The following BARHL1 variants were observed in gnomAD, a reference collection of about 807,000 sequenced individuals.
The protein encoded by BARHL1 is BarH like homeobox 1, also known as barH-like 1 homeobox protein.
In BARHL1, 2 loss-of-function variants were observed where a neutral mutation model predicts 20.1. That is an observed-to-expected ratio of 0.10 (90% CI 0.04 to 0.31). BARHL1 has a LOEUF of 0.31. Among genes scored for constraint, BARHL1 ranks in the 10% least tolerant of loss-of-function variants. BARHL1 has a pLI of 1.00. For synonymous variants in BARHL1, 213 were observed against 209.9 expected (o/e 1.01, Z -0.13); for missense variants, 397 against 454.0 (o/e 0.87, Z 1.14).
At position 132,582,717 on chromosome 9, in the gene BARHL1, C is replaced by T; in HGVS notation, c.-81C>T. ...CCTGCCCGCCTTCCCCATGCCAGCC[C>T]GCAGCTAGGGGCAGGGGCAGCGGCG... On this transcript the variant is annotated 5_prime_UTR_variant, in exon 1 of 3. Coordinates refer to ENST00000263610, the MANE Select transcript of BARHL1 (RefSeq NM_020064.4). 3 of 1,309,368 alleles carry T rather than the reference C, an allele frequency of 2.3e-6. No individual in the cohort carries two copies. The highest frequency in any genetic ancestry group is 3.0e-5 in the South Asian group (2 of 67,392). 81.1% of individuals were successfully genotyped at this position (1,309,368 alleles called of 1,614,324 possible).
chr9:132,589,153 A>G (rs1327773172), intron 2 of BARHL1, 75 bp from the exon 3 acceptor site: 1 of 1,526,524 alleles, frequency 6.6e-7, no homozygotes, highest in African/African-American at 1.4e-5. Context: ...TCTCTGGGCC[A>G]AGCAGTGGGG....
intron 2 of BARHL1, among the ~76,000 whole-genome samples, chr9:132,588,254 C>A (rs1446913175): frequency 6.6e-6 from 1 of 152,192 alleles, no homozygotes; most frequent in Non-Finnish European, 1.5e-5. Flanking sequence ...CACCGACACA[C>A]ACATCAATAC....
At position 132,589,440 on chromosome 9, in the gene BARHL1, A is replaced by G; in HGVS notation, c.902A>G (p.His301Arg). 1 of 1,599,694 alleles carries G rather than the reference A, an allele frequency of 6.3e-7. No individual in the cohort carries two copies. The highest frequency in any genetic ancestry group is 8.5e-7 in the Non-Finnish European group (1 of 1,174,734). ...CCTCTGGTGCCCCGCATCCTCATCC[A>G]CGGACTCCAGGGCGCCAGCGAGCCG... ...QRPLVPRILIHGLQGASEPPP... is the reference protein window; with the variant it reads ...QRPLVPRILIRGLQGASEPPP... The change falls in exon 3 of 3, where the codon CAC (histidine) becomes CGC (arginine). Residue 301 changes from histidine to arginine, a missense_variant. Transcript: ENST00000263610.
intron 2 of BARHL1, among the ~76,000 whole-genome samples, chr9:132,588,843 A>G (rs1358645989): frequency 6.6e-6 from 1 of 151,940 alleles, no homozygotes; most frequent in African/African-American, 2.4e-5. Context: ...TACCTTCATA[A>G]AGAGGCACGC....
At chr9:132,588,636 G>A (rs551106551) in intron 2 of BARHL1, among the ~76,000 whole-genome samples, 1 of 151,234 alleles carries the variant, frequency 6.6e-6, no homozygotes, top group Non-Finnish European at 1.5e-5. Flanking sequence ...GGCTCGCAGT[G>A]CGAGCCCTGG....
rs748460965 is a variant in BARHL1 at position 132,582,785 on chromosome 9, T to A, written c.-13T>A. 8.9e-6 allele frequency: 14 copies of A among 1,564,570 alleles called. No individual in the cohort carries two copies. Among genetic ancestry groups the A allele is most frequent in the Middle Eastern group, 2.3e-4 (1 of 4,266 alleles). On this transcript the variant is annotated 5_prime_UTR_variant, in exon 1 of 3. Transcript: ENST00000263610. ...GTGGGGAGCTTTTGGGGAGGACAGG[T>A]CGCAGCTTGGCTATGGAAGGCTCCA...
At chr9:132,584,362 G>T (rs1247203776) in intron 1 of BARHL1, among the ~76,000 whole-genome samples, 1 of 152,120 alleles carries the variant, frequency 6.6e-6, no homozygotes, top group Non-Finnish European at 1.5e-5. Flanking sequence ...CAGATCACTG[G>T]GAGTGGGCAG....
intron 1 of BARHL1, among the ~76,000 whole-genome samples, chr9:132,586,180 C>A (rs535568311): frequency 6.6e-6 from 1 of 152,246 alleles, no homozygotes; most frequent in African/African-American, 2.4e-5. Flanking sequence ...CGATCCCTAA[C>A]GGCTCAATTA....
chr9:132,587,765 C>A lies in BARHL1; in HGVS notation c.689+214C>A, dbSNP rs375573251. On this transcript the variant is annotated intron_variant, in intron 2 of 2. Coordinates refer to ENST00000263610, the MANE Select transcript of BARHL1 (RefSeq NM_020064.4). The surrounding 1 kb of genome is among the most constrained non-coding windows in gnomAD (Gnocchi z 5.5). ...AGATGAGACTAGACTTGGTGTCCAG[C>A]GTCCAGTCAGCCCTCCCCCGGATGG... 1.3e-5 allele frequency among the ~76,000 whole-genome samples: 2 copies of A among 152,352 alleles called. No homozygotes were observed. Among genetic ancestry groups the A allele is most frequent in the Non-Finnish European group, 2.9e-5 (2 of 68,040 alleles).
chr9:132,586,041 T>A (rs534027599), intron 1 of BARHL1, among the ~76,000 whole-genome samples: 3 of 152,358 alleles, frequency 2.0e-5, no homozygotes, highest in Admixed American at 2.0e-4. Context: ...GAGAGCCTGG[T>A]GCCAGCCTGG....
rs1747048502 is a variant in BARHL1 at position 132,589,622 on chromosome 9, G to A, written c.*100G>A. The A allele has an allele frequency of 2.5e-6, 3 of 1,224,094 alleles. No individual in the cohort carries two copies. The highest frequency in any genetic ancestry group is 3.0e-6 in the Non-Finnish European group (3 of 984,884). 75.8% of individuals were successfully genotyped at this position (1,224,094 alleles called of 1,614,324 possible). On this transcript the variant is annotated 3_prime_UTR_variant, in exon 3 of 3. Coordinates refer to ENST00000263610, the MANE Select transcript of BARHL1 (RefSeq NM_020064.4). ...GTTCGACGCCCTTTCCCGGGAGGGG[G>A]CCCTGCCCGGCCCTCCCTGGCGCCC...
chr9:132,588,873 AC>A (rs1432578919), intron 2 of BARHL1, among the ~76,000 whole-genome samples: 1 of 151,954 alleles, frequency 6.6e-6, no homozygotes, highest in Non-Finnish European at 1.5e-5. Flanking sequence ...AGCACCCCCT[AC>A]CCAGCTCCAA....
intron 2 of BARHL1, among the ~76,000 whole-genome samples, chr9:132,588,879 C>T (rs980143435): frequency 2.6e-5 from 4 of 152,158 alleles, no homozygotes; most frequent in African/African-American, 9.7e-5. Context: ...CCCTACCCAG[C>T]TCCAAGGGTT....
At chr9:132,583,354 C>A (rs1830096280) in intron 1 of BARHL1, 91 bp downstream of exon 1, 7 of 1,197,034 alleles carry the variant, frequency 5.8e-6, no homozygotes, top group Non-Finnish European at 8.1e-6. Flanking sequence ...CATGCACTCG[C>A]TCACCTGGGG....
chr9:132,589,081 G>C, intron 2 of BARHL1, 147 bp from the exon 3 acceptor site: 1 of 1,398,644 alleles, frequency 7.1e-7, no homozygotes, highest in South Asian at 1.6e-5. Flanking sequence ...GCGTGCGATG[G>C]TGCCTGGCAC....
At chr9:132,588,008 G>A (rs184386095) in intron 2 of BARHL1, among the ~76,000 whole-genome samples, 14 of 152,296 alleles carry the variant, frequency 9.2e-5, no homozygotes, top group Non-Finnish European at 1.6e-4. Context: ...GGCAGCTGCC[G>A]CAGGGGCCTC....
chr9:132,589,395 C>T lies in BARHL1; in HGVS notation c.857C>T (p.Pro286Leu). ...TACCTGTACCGCGGCCCCAGCGCGC[C>T]GCCGCCTGCTCTCCAGAGACCTCTG... is the stretch of plus-strand genomic sequence containing the variant. ...ALYLYRGPSA[P>L]PPALQRPLVP... Residue 286 changes from proline (P) to leucine (L), a missense_variant, in exon 3 of 3, where the codon CCG becomes CTG. This residue lies in a region of BARHL1 where 121 missense variants were observed against 135.9 expected (regional missense o/e 0.89). Coordinates refer to ENST00000263610, the MANE Select transcript of BARHL1 (RefSeq NM_020064.4). 1 of 1,612,620 alleles carries T rather than the reference C, an allele frequency of 6.2e-7. No homozygotes were observed. The highest frequency in any genetic ancestry group is 1.3e-5 in the African/African-American group (1 of 75,056).
rs1564261032 is a variant in BARHL1, at chr9:132,587,189, C to A, written c.467-140C>A. On this transcript the variant is annotated intron_variant, in intron 1 of 2. Transcript: ENST00000263610. This position sits in a 1 kb window ranked among gnomAD's most constrained non-coding sequence, Gnocchi z 5.5. ...GTTCCCGGGGCCCCAGAGGTCCCGTCTGAGAGCGGCCCCCGCGAGCTTGGG... is the reference window on the plus strand; with the variant it reads ...GTTCCCGGGGCCCCAGAGGTCCCGTATGAGAGCGGCCCCCGCGAGCTTGGG... 5.9e-6 allele frequency: 5 copies of A among 843,544 alleles called. No individual in the cohort carries two copies. The allele number at this position is 843,544 out of a possible 1,614,324, so 52.3% of individuals were successfully genotyped here.
intron 1 of BARHL1, among the ~76,000 whole-genome samples, chr9:132,585,434 A>G (rs1194144181): frequency 6.6e-6 from 1 of 152,198 alleles, no homozygotes; most frequent in Non-Finnish European, 1.5e-5. Context: ...CCTCATCCCA[A>G]GTTTCTGCTA....
Sources: gnomAD v4.1 joint callset for allele counts (sites outside exome capture counted in the v4.1 genomes callset) on GRCh38, gnomAD v4.1.1 for gene constraint, gnomAD v4.1.1 regional missense constraint, Gnocchi (gnomAD v3.1) non-coding constraint, MANE v1.5 for transcripts, NCBI Gene and HGNC (gene_info 2026-07-23, HGNC 2026-07-21) for gene names.